Variants in PDCL3 observed in about 807,000 individuals in gnomAD.
PDCL3 encodes the protein phosducin-like protein 3.
Under a neutral mutation model 26.5 loss-of-function variants are expected in PDCL3, and 22 were observed. That is an observed-to-expected ratio of 0.83 (90% CI 0.59 to 1.19). The LOEUF (loss-of-function observed/expected upper bound fraction) is 1.19. Ranked by LOEUF, PDCL3 falls within the 50% of genes most tolerant of loss-of-function variation. The pLI is 0.00. For missense variants in PDCL3, 246 were observed against 294.1 expected (o/e 0.84, Z 1.20); for synonymous variants, 81 against 104.9 (o/e 0.77, Z 1.39).
intron 5 of PDCL3, among the ~76,000 whole-genome samples, chr2:100,575,461 C>T (rs999299328): frequency 1.3e-5 from 2 of 152,188 alleles, no homozygotes; most frequent in Non-Finnish European, 2.9e-5. Flanking sequence ...ATCGATGTGT[C>T]CAGTTAGCAG....
At chr2:100,569,789 T>TA (rs1320530328) in intron 4 of PDCL3, 68 bp downstream of exon 4, 1 of 1,546,438 alleles carries the variant, frequency 6.5e-7, no homozygotes, top group African/African-American at 1.4e-5. Context: ...TCTCAGGCGT[T>TA]ACCTATATCA....
Position 100,572,374 on chromosome 2 carries a change from G to A in PDCL3, c.577+576G>A, listed in dbSNP as rs563461822. On this transcript the variant is annotated intron_variant, in intron 5 of 5. Transcript: ENST00000264254. ...TTACTGGCACCTACCACCACGCCCA[G>A]CTAATTTTTGTATTTTTAGTGGAGA... Among the ~76,000 whole-genome samples the A allele has an allele frequency of 1.7e-3, 252 of 152,024 alleles. 2 individuals carry two copies. The highest frequency in any genetic ancestry group is 5.8e-3 in the African/African-American group (239 of 41,460).
rs369261971 is a variant in PDCL3 at position 100,566,493 on chromosome 2, G to A, written c.7-10G>A. The A allele has an allele frequency of 1.9e-5, 30 of 1,611,180 alleles. No individual in the cohort carries two copies. Among genetic ancestry groups the A allele is most frequent in the East Asian group, 8.9e-5 (4 of 44,880 alleles). On this transcript the variant is annotated splice_polypyrimidine_tract_variant and intron_variant, in intron 1 of 5. Transcript: ENST00000264254. ...TAGCACTCATGGTAACCTTGGTCCC[G>A]CTCTTCTAGGACCCCAACGCAGACA...
chr2:100,569,426 A>G, intron 3 of PDCL3, 152 bp from the exon 4 acceptor site: 1 of 900,552 alleles, frequency 1.1e-6, no homozygotes, highest in Non-Finnish European at 1.6e-6. Context: ...AGCGACTGCA[A>G]TTAAATAATA....
chr2:100,573,410 A>G (rs1675216392), intron 5 of PDCL3, among the ~76,000 whole-genome samples: 1 of 152,042 alleles, frequency 6.6e-6, no homozygotes, highest in Admixed American at 6.6e-5. Context: ...GCGGTGGCTC[A>G]TGCCTGTAAT....
Position 100,566,530 on chromosome 2 carries a change from G to T in PDCL3, c.34G>T (p.Asp12Tyr). The change falls in exon 2 of 6, where the codon GAC becomes TAC. Residue 12 changes from aspartate to tyrosine, a missense_variant. Coordinates refer to ENST00000264254, the MANE Select transcript of PDCL3 (RefSeq NM_024065.5). The part of the protein sequence containing the change: ...QDPNADTEWN[D>Y]ILRKKGILPP... ...CCCCAACGCAGACACTGAATGGAATGACATCTTACGCAAAAAGGGTATCTT... is the reference window on the plus strand; with the variant it reads ...CCCCAACGCAGACACTGAATGGAATTACATCTTACGCAAAAAGGGTATCTT... 1 of 1,613,060 alleles carries T rather than the reference G, an allele frequency of 6.2e-7. No individual in the cohort carries two copies. Among genetic ancestry groups the T allele is most frequent in the South Asian group, 1.1e-5 (1 of 91,012 alleles).
Position 100,572,001 on chromosome 2 carries a change from A to G in PDCL3, c.577+203A>G, listed in dbSNP as rs986343595. Reference sequence around the variant, plus strand: ...ACTGGGCTCTACTGATTCTTAGTTCAAGGAAGGCGTGATAGACTTAAATAT... The same window carrying G: ...ACTGGGCTCTACTGATTCTTAGTTCGAGGAAGGCGTGATAGACTTAAATAT... On this transcript the variant is annotated intron_variant, in intron 5 of 5. Coordinates refer to ENST00000264254, the MANE Select transcript of PDCL3 (RefSeq NM_024065.5). 61 of 586,508 alleles carry G rather than the reference A, an allele frequency of 1.0e-4. No individual in the cohort carries two copies. The Admixed American group carries it at 1.6e-3, about 16-fold the overall frequency. The allele number at this position is 586,508 out of a possible 1,614,324, so 36.3% of individuals were successfully genotyped here.
rs369159652 is a variant in PDCL3, at chr2:100,566,647, C to T, written c.133+18C>T. 2 of 1,613,222 alleles carry T rather than the reference C, an allele frequency of 1.2e-6. No homozygotes were observed. Among genetic ancestry groups the T allele is most frequent in the South Asian group, 2.2e-5 (2 of 90,960 alleles). On this transcript the variant is annotated intron_variant, in intron 2 of 5. Transcript: ENST00000264254. ...GTCAGTGGGTGAGTTCACTCGCTTT[C>T]CTCTGCACCTGTCTGGGTTAGGAGA...
At chr2:100,563,837 G>C (rs1675004404) in intron 1 of PDCL3, among the ~76,000 whole-genome samples, 1 of 152,010 alleles carries the variant, frequency 6.6e-6, no homozygotes, top group East Asian at 1.9e-4. Flanking sequence ...CAGATGGAGA[G>C]GAGAGGGTGC....
At position 100,568,960 on chromosome 2, in the gene PDCL3, G is replaced by C. The variant is rs747245164; in HGVS notation, c.163G>C (p.Glu55Gln). Reference protein sequence around the residue: ...VKTYEDMTLEELEDHEDEFNE... With the variant: ...VKTYEDMTLEQLEDHEDEFNE... ...AACATATGAAGATATGACTTTGGAA[G>C]AGCTGGAGGATCATGAAGACGAGTT... Residue 55 changes from glutamate to glutamine, a missense_variant, in exon 3 of 6, where the codon GAG (glutamate) becomes CAG (glutamine). Coordinates refer to ENST00000264254, the MANE Select transcript of PDCL3 (RefSeq NM_024065.5). The C allele has an allele frequency of 6.2e-7, 1 of 1,613,932 alleles. No individual in the cohort carries two copies. The highest frequency in any genetic ancestry group is 1.3e-5 in the African/African-American group (1 of 74,926).
Position 100,563,074 on chromosome 2 carries a change from G to C in PDCL3, c.6+1G>C. 6.2e-7 allele frequency: 1 copy of C among 1,605,088 alleles called. No individual in the cohort carries two copies. The stretch of plus-strand genomic sequence containing the variant: ...CAACTGAACTGGAAACAAGATGCAG[G>C]TGAGCTAGGACGGGTCTCGGGTCTG... On this transcript the variant is annotated splice_donor_variant, in intron 1 of 5. Transcript: ENST00000264254. LOFTEE classifies it high-confidence loss of function.
chr2:100,573,991 A>G (rs1219512803), intron 5 of PDCL3, among the ~76,000 whole-genome samples: 2 of 152,032 alleles, frequency 1.3e-5, no homozygotes, highest in African/African-American at 4.8e-5. Flanking sequence ...ATATATATAT[A>G]GAGAGAGATA....
intron 5 of PDCL3, 32 bp from the exon 6 acceptor site, chr2:100,576,322 C>T (rs1675283528): frequency 1.2e-6 from 2 of 1,611,744 alleles, no homozygotes; most frequent in Non-Finnish European, 1.7e-6. Context: ...AGCACAGTGC[C>T]TTAGGCAATT....
intron 2 of PDCL3, among the ~76,000 whole-genome samples, 191 bp from the exon 3 acceptor site, chr2:100,568,740 C>T (rs995718787): frequency 2.6e-5 from 4 of 152,078 alleles, no homozygotes; most frequent in African/African-American, 9.7e-5. Flanking sequence ...ATTGGGATTA[C>T]AGGTGTGAGC....
chr2:100,568,256 G>A (rs1200984167), intron 2 of PDCL3, among the ~76,000 whole-genome samples: 3 of 134,758 alleles, frequency 2.2e-5, no homozygotes, highest in Non-Finnish European at 3.2e-5. Context: ...AGCACTGAAA[G>A]CCATGAGATT....
intron 1 of PDCL3, 136 bp downstream of exon 1, chr2:100,563,209 C>G: frequency 1.8e-6 from 2 of 1,121,010 alleles, no homozygotes; most frequent in South Asian, 3.5e-5. Flanking sequence ...GCGTCCAGGC[C>G]CTGCGCAGGC....
At chr2:100,566,284 T>C (rs1675058120) in intron 1 of PDCL3, among the ~76,000 whole-genome samples, 1 of 152,100 alleles carries the variant, frequency 6.6e-6, no homozygotes, top group South Asian at 2.1e-4. Flanking sequence ...GCACTCCCTA[T>C]CCTAATTTTT....
At position 100,575,526 on chromosome 2, in the gene PDCL3, C is replaced by CTGCCTTTG. The variant is rs1558699833; in HGVS notation, c.578-828_578-827insTGCCTTTG. 2.4e-4 allele frequency among the ~76,000 whole-genome samples: 36 copies of CTGCCTTTG among 152,314 alleles called. No homozygotes were observed. The South Asian group carries it at 3.5e-3, about 15-fold the overall frequency. ...AAGCCATTTGTTGTAGAATCTCTTACGTAGTCCTTTGGTTCTGCCTGGGCT... is the reference window on the plus strand; with the variant it reads ...AAGCCATTTGTTGTAGAATCTCTTACTGCCTTTGGTAGTCCTTTGGTTCTGCCTGGGCT... On this transcript the variant is annotated intron_variant, in intron 5 of 5. Transcript: ENST00000264254.
chr2:100,573,681 A>G (rs1675223658), intron 5 of PDCL3, among the ~76,000 whole-genome samples: 1 of 152,072 alleles, frequency 6.6e-6, no homozygotes, highest in Non-Finnish European at 1.5e-5. Context: ...CAAAAAAAAA[A>G]AAAAAAAGAT....
Sources: gnomAD v4.1 joint callset for allele counts (sites outside exome capture counted in the v4.1 genomes callset) on GRCh38, gnomAD v4.1.1 for gene constraint, MANE v1.5 for transcripts, NCBI Gene and HGNC (gene_info 2026-07-23, HGNC 2026-07-21) for gene names.